MED16: variants seen among roughly 807,000 people sequenced by gnomAD.
The protein encoded by MED16 is mediator complex subunit 16, also known as mediator of RNA polymerase II transcription subunit 16.
A neutral mutation model predicts 84.4 loss-of-function variants in MED16; 81 were observed. The ratio of observed to expected loss-of-function variants is 0.96; its 90% confidence interval spans 0.80 to 1.15. The LOEUF (loss-of-function observed/expected upper bound fraction) is 1.15, where lower values mean the gene tolerates loss of function less well. Among genes scored for constraint, MED16 ranks in the 50% most tolerant of loss-of-function variants. The probability of loss-of-function intolerance (pLI) is 0.00; values close to 1 mark genes in which losing one functional copy is unlikely to be tolerated. For missense variants in MED16, 1,585 were observed against 1,245.9 expected (o/e 1.27, Z -4.10); for synonymous variants, 897 against 552.2 (o/e 1.62, Z -8.76).
intron 12 of MED16, 111 bp from the exon 13 acceptor site, chr19:871,364 C>G (rs1381666978): frequency 2.2e-6 from 3 of 1,343,978 alleles, no homozygotes; most frequent in Non-Finnish European, 3.0e-6. Context: ...AGGGCCCCAG[C>G]TCTGTCTGCC....
Position 885,017 on chromosome 19 carries a change from G to T in MED16, c.880-9C>A, listed in dbSNP as rs765147373. On this transcript the variant is annotated splice_polypyrimidine_tract_variant and intron_variant, in intron 5 of 15. Coordinates refer to ENST00000325464, the MANE Select transcript of MED16 (RefSeq NM_005481.3). ...GACGCGCACAAAAGCACCTGCGGGG[G>T]AGGTGGGGGTGAGGGCTGACCCGGC... The T allele has an allele frequency of 6.3e-7, 1 of 1,586,236 alleles. No homozygotes were observed. Among genetic ancestry groups the T allele is most frequent in the East Asian group, 2.3e-5 (1 of 44,054 alleles).
intron 10 of MED16, among the ~76,000 whole-genome samples, chr19:874,441 G>C (rs961581729): frequency 1.3e-5 from 2 of 152,190 alleles, no homozygotes; most frequent in African/African-American, 4.8e-5. Context: ...AGCCTGCCAG[G>C]CACAGTGGCT....
At chr19:879,200 C>A (rs1445130364) in intron 8 of MED16, among the ~76,000 whole-genome samples, 1 of 150,936 alleles carries the variant, frequency 6.6e-6, no homozygotes, top group Admixed American at 6.6e-5. Flanking sequence ...CAGCAGCTCA[C>A]CTTCCCATGG....
rs146159593 is a variant in MED16 at position 868,898 on chromosome 19, G to A, written c.2364C>T (p.Gly788=). The A allele has an allele frequency of 6.2e-5, 96 of 1,551,926 alleles. No homozygotes were observed. Among genetic ancestry groups the A allele is most frequent in the African/African-American group, 8.1e-5 (6 of 73,844 alleles). ...CCTTGCATTCCTCCGTGGGGCAAGC[G>A]CCAAGGTGCAGCCTCCGCAGGTGGT... ...KIDHLRRLHL[G]ACPTEECKAC... The change falls in exon 14 of 16, where the codon GGC becomes GGT. Residue 788 remains glycine, a synonymous_variant. Transcript: ENST00000325464.
rs2036591973 is a variant in MED16 at position 889,575 on chromosome 19, G to A, written c.447+63C>T. 3.2e-6 allele frequency: 5 copies of A among 1,540,824 alleles called. No individual in the cohort carries two copies. The East Asian group carries it at 1.2e-4, about 35-fold the overall frequency. On this transcript the variant is annotated intron_variant, in intron 4 of 15. Transcript: ENST00000325464. ...CTGGTGATGGAGAGGAGAGGGGCTG[G>A]CGGGTGGCTGGGTAGGGTGACATCT...
At chr19:880,917 T>A (rs1599334611) in intron 7 of MED16, among the ~76,000 whole-genome samples, 1 of 134,746 alleles carries the variant, frequency 7.4e-6, no homozygotes, top group African/African-American at 2.8e-5. Flanking sequence ...AGAATGAGAC[T>A]CCAACTCAAA....
chr19:880,485 G>A (rs994957409), intron 7 of MED16, among the ~76,000 whole-genome samples: 8 of 152,270 alleles, frequency 5.3e-5, no homozygotes, highest in South Asian at 2.1e-4. Flanking sequence ...GGCTCCTGGC[G>A]TCCCAAAGAG....
chr19:891,274 G>C, intron 1 of MED16, 125 bp from the exon 2 acceptor site: 1 of 952,098 alleles, frequency 1.1e-6, no homozygotes, highest in Non-Finnish European at 1.5e-6. Flanking sequence ...GCAAAGGCCC[G>C]GAGGCCAGAC....
At chr19:887,097 GAAC>G (rs542268408) in intron 4 of MED16, among the ~76,000 whole-genome samples, 1 of 144,368 alleles carries the variant, frequency 6.9e-6, no homozygotes. Flanking sequence ...AAAAAAAAAA[GAAC>G]AAGAAAAATG....
intron 10 of MED16, 130 bp downstream of exon 10, chr19:875,114 A>G (rs2036198285): frequency 3.5e-6 from 2 of 569,762 alleles, no homozygotes; most frequent in Non-Finnish European, 5.6e-6. Flanking sequence ...CAGTGAGCTG[A>G]GATCGCACCA....
chr19:881,503 C>A, intron 7 of MED16, 56 bp downstream of exon 7: 2 of 1,560,876 alleles, frequency 1.3e-6, no homozygotes, highest in Non-Finnish European at 1.7e-6. Context: ...TGCTCAGGGC[C>A]CAACTCCCCT....
chr19:881,677 G>A lies in MED16; in HGVS notation c.1023C>T (p.Ile341=). 1.9e-6 allele frequency: 3 copies of A among 1,612,056 alleles called. No individual in the cohort carries two copies. The highest frequency in any genetic ancestry group is 2.2e-5 in the South Asian group (2 of 91,060). ...GGTCCAGATCGTTGGTGGCCGATAG[G>A]ATCCGCCATTTGAGAATTGTGGGCT... The part of the protein sequence containing the change: ...DKQPTILKWR[I]LSATNDLDRV... Residue 341 remains isoleucine (I), a synonymous_variant, in exon 7 of 16, where the codon ATC becomes ATT. Transcript: ENST00000325464.
At chr19:884,365 C>CATAGAGATGGGAATAGAGAGGGGA (rs2036482468) in intron 6 of MED16, among the ~76,000 whole-genome samples, 1 of 151,510 alleles carries the variant, frequency 6.6e-6, no homozygotes, top group Non-Finnish European at 1.5e-5. Context: ...GCGGGGGGCC[C>CATAGAGATGGGAATAGAGAGGGGA]ATCGGGCGGA....
chr19:877,210 G>A (rs538717500), intron 8 of MED16, 30 bp from the exon 9 acceptor site: 32 of 1,582,320 alleles, frequency 2.0e-5, no homozygotes, highest in East Asian at 9.1e-5. Context: ...AGGAGAGCCC[G>A]GTGAGATGGG....
chr19:867,965 G>A lies in MED16; in HGVS notation c.*136C>T, dbSNP rs370470379. On this transcript the variant is annotated 3_prime_UTR_variant, in exon 16 of 16. Transcript: ENST00000325464. ...CACCGACGGCAGGGACGCGGGCCTGGGCGCAGAGGGCGTTTATTGGACCTG... is the reference window on the plus strand; with the variant it reads ...CACCGACGGCAGGGACGCGGGCCTGAGCGCAGAGGGCGTTTATTGGACCTG... 1.7e-6 allele frequency: 2 copies of A among 1,210,872 alleles called. No individual in the cohort carries two copies. The highest frequency in any genetic ancestry group is 1.1e-6 in the Non-Finnish European group (1 of 892,800). 75.0% of individuals were successfully genotyped at this position (1,210,872 alleles called of 1,614,324 possible). A position where few individuals can be genotyped will look rare whatever the true frequency, so the allele number is the denominator to read the frequency against.
rs1251881585 is a variant in MED16 at position 880,215 on chromosome 19, C to T, written c.1142-67G>A. The stretch of plus-strand genomic sequence containing the variant: ...GACACGCCCGCCGGGGGAGGGGCCT[C>T]CTGCTCTGCAGGGTGTGGAGAGCCG... On this transcript the variant is annotated intron_variant, in intron 7 of 15. Transcript: ENST00000325464. 8.2e-6 allele frequency: 12 copies of T among 1,456,516 alleles called. No homozygotes were observed. In the East Asian group the frequency reaches 1.6e-4, roughly 19 times the overall value. The allele number at this position is 1,456,516 out of a possible 1,614,324, so 90.2% of individuals were successfully genotyped here.
chr19:868,660 C>G (rs914462204), intron 14 of MED16, among the ~76,000 whole-genome samples, 161 bp from the exon 15 acceptor site: 4 of 152,162 alleles, frequency 2.6e-5, no homozygotes, highest in East Asian at 1.9e-4. Flanking sequence ...GCTTCTCCTC[C>G]CCCCAGCAAT....
chr19:890,828 G>A, intron 2 of MED16, 135 bp downstream of exon 2: 1 of 973,918 alleles, frequency 1.0e-6, no homozygotes, highest in Non-Finnish European at 1.5e-6. Context: ...TCTCACACAA[G>A]TTACAGAGGA....
chr19:868,295 G>A (rs200973969), intron 15 of MED16, 44 bp from the exon 16 acceptor site: 11 of 1,586,672 alleles, frequency 6.9e-6, no homozygotes, highest in Non-Finnish European at 6.8e-6. Context: ...AGAGTCCAGG[G>A]CGAGCGGTGG....
Sources: gnomAD v4.1 joint callset for allele counts (sites outside exome capture counted in the v4.1 genomes callset) on GRCh38, gnomAD v4.1.1 for gene constraint, MANE v1.5 for transcripts, NCBI Gene and HGNC (gene_info 2026-07-23, HGNC 2026-07-21) for gene names.